Variants in UBE3C observed in about 807,000 individuals in gnomAD.
The protein encoded by UBE3C is ubiquitin protein ligase E3C.
In UBE3C, 42 loss-of-function variants were observed where a neutral mutation model predicts 129.4. The observed-to-expected ratio is 0.32, with a 90% CI of 0.25 to 0.42. UBE3C has a LOEUF of 0.42. Ranked by LOEUF, UBE3C falls within the 10% of genes least tolerant of loss-of-function variation. UBE3C has a pLI of 1.00. For synonymous variants in UBE3C, 510 were observed against 492.4 expected (o/e 1.04, Z -0.47); for missense variants, 1,049 against 1,319.1 (o/e 0.80, Z 3.17).
chr7:157,198,207 G>C (rs1809177653), intron 10 of UBE3C: 18 of 1,553,942 alleles, frequency 1.2e-5, no homozygotes, highest in Non-Finnish European at 1.5e-5. Context: ...CATATATTCA[G>C]ACCGCTTACA....
intron 11 of UBE3C, among the ~76,000 whole-genome samples, chr7:157,204,127 A>G (rs59802408): frequency 0.026 from 3,972 of 152,300 alleles, 194 homozygotes; most frequent in African/African-American, 0.091. Context: ...TGAAGTTGCA[A>G]AATCCTAAAC....
At chr7:157,255,709 T>C (rs1182377) in intron 21 of UBE3C, among the ~76,000 whole-genome samples, 88,371 of 152,002 alleles carry the variant, frequency 0.58, 26,560 homozygotes, top group South Asian at 0.65. Flanking sequence ...AGACATTTTA[T>C]TGGTGTTATT....
intron 4 of UBE3C, among the ~76,000 whole-genome samples, chr7:157,171,852 G>A (rs1184245729): frequency 4.0e-5 from 6 of 148,184 alleles, no homozygotes; most frequent in Admixed American, 2.7e-4. Flanking sequence ...GATTACAGAC[G>A]TGTACCACCA....
At chr7:157,145,540 C>T (rs928980410) in intron 1 of UBE3C, among the ~76,000 whole-genome samples, 19 of 152,026 alleles carry the variant, frequency 1.2e-4, no homozygotes, top group Admixed American at 6.6e-4. Flanking sequence ...GGAAGAAATC[C>T]TCATTGCATA....
intron 18 of UBE3C, among the ~76,000 whole-genome samples, chr7:157,247,846 C>T (rs1231256620): frequency 3.9e-5 from 6 of 152,166 alleles, no homozygotes; most frequent in Non-Finnish European, 7.3e-5. Flanking sequence ...AACTGGGACC[C>T]CCCAAAACTG....
At chr7:157,214,621 C>G (rs547173993) in intron 13 of UBE3C, among the ~76,000 whole-genome samples, 1 of 152,114 alleles carries the variant, frequency 6.6e-6, no homozygotes, top group Non-Finnish European at 1.5e-5. Context: ...TTTAATTGGT[C>G]ACAAAAATGG....
chr7:157,139,194 G>A lies in UBE3C; in HGVS notation c.-79G>A, dbSNP rs1050427356. On this transcript the variant is annotated 5_prime_UTR_variant, in exon 1 of 23. Transcript: ENST00000348165. ...CGGGCCGGGCGGGCGGGCGCCGAGA[G>A]CCTCCCAGCCCGCCCCGTGCCCCGC... is the stretch of plus-strand genomic sequence containing the variant. 4 of 1,079,020 alleles carry A rather than the reference G, an allele frequency of 3.7e-6. No individual in the cohort carries two copies. Among genetic ancestry groups the A allele is most frequent in the Non-Finnish European group, 4.6e-6 (4 of 876,698 alleles). The allele number at this position is 1,079,020 out of a possible 1,614,324, so 66.8% of individuals were successfully genotyped here.
chr7:157,212,754 G>GT (rs1432249871), intron 13 of UBE3C, among the ~76,000 whole-genome samples: 5 of 151,972 alleles, frequency 3.3e-5, no homozygotes, highest in Non-Finnish European at 4.4e-5. Flanking sequence ...CCTTTGTGGG[G>GT]TTTTTTTGTT....
intron 22 of UBE3C, 47 bp downstream of exon 22, chr7:157,257,091 G>GT (rs776061805): frequency 1.9e-6 from 3 of 1,608,476 alleles, no homozygotes; most frequent in Non-Finnish European, 2.5e-6. Flanking sequence ...TTCATAATAA[G>GT]AAAGGCAGCA....
chr7:157,158,465 G>A (rs1208930351), intron 1 of UBE3C, among the ~76,000 whole-genome samples: 1 of 152,188 alleles, frequency 6.6e-6, no homozygotes, highest in Non-Finnish European at 1.5e-5. Flanking sequence ...TCTGTGCGTT[G>A]TATTTAATCA....
chr7:157,225,525 T>A lies in UBE3C; in HGVS notation c.2219T>A (p.Leu740His), dbSNP rs1795852089. The change falls in exon 17 of 23, where the codon CTT (leucine) becomes CAT (histidine). Residue 740 changes from leucine to histidine, a missense_variant. Around this residue, in one of 4 missense-constraint regions of UBE3C, gnomAD observed 314 missense variants for 416.9 expected, o/e 0.75. Coordinates refer to ENST00000348165, the MANE Select transcript of UBE3C (RefSeq NM_014671.3). ...ATTTATGAAGATGCTTATGACAAAC[T>A]TTCTCCAGAAAATGGTATATATAAT... is the stretch of plus-strand genomic sequence containing the variant. ...NYIYEDAYDK[L>H]SPENEPDLKK... is the part of the protein sequence containing the mutation. The A allele has an allele frequency of 1.3e-6, 2 of 1,587,246 alleles. No homozygotes were observed. The highest frequency in any genetic ancestry group is 1.7e-6 in the Non-Finnish European group (2 of 1,172,652).
At chr7:157,258,436 G>A (rs1391200768) in intron 22 of UBE3C, among the ~76,000 whole-genome samples, 2 of 151,918 alleles carry the variant, frequency 1.3e-5, no homozygotes, top group African/African-American at 2.4e-5. Flanking sequence ...TTGCTTTGTT[G>A]TTGTTGTTGC....
intron 10 of UBE3C, chr7:157,192,950 G>A: frequency 1.6e-6 from 1 of 613,746 alleles, no homozygotes; most frequent in Non-Finnish European, 2.9e-6. Flanking sequence ...ACTGTAGCAT[G>A]AGGGAAAGTA....
intron 16 of UBE3C, among the ~76,000 whole-genome samples, chr7:157,224,256 G>A (rs760415555): frequency 2.0e-5 from 3 of 151,976 alleles, no homozygotes; most frequent in Non-Finnish European, 2.9e-5. Context: ...GTGCAGAGGC[G>A]CGATCTTGGC....
At chr7:157,253,449 G>A (rs1225195235) in intron 19 of UBE3C, among the ~76,000 whole-genome samples, 3 of 152,180 alleles carry the variant, frequency 2.0e-5, no homozygotes, top group Non-Finnish European at 2.9e-5. Context: ...ATCACTGATC[G>A]TTACCACCAC....
At chr7:157,197,997 T>C (rs779528485) in intron 10 of UBE3C, 22 of 1,607,480 alleles carry the variant, frequency 1.4e-5, no homozygotes, top group Non-Finnish European at 1.9e-5. Flanking sequence ...TTGATCCTGA[T>C]GGTCCTCCAT....
chr7:157,157,152 TA>T (rs1807933083), intron 1 of UBE3C, among the ~76,000 whole-genome samples: 1 of 152,188 alleles, frequency 6.6e-6, no homozygotes, highest in South Asian at 2.1e-4. Context: ...AGCATACTAT[TA>T]AAAATAAACC....
In UBE3C at chr7:157,207,846, A is replaced by G; in HGVS notation, c.1720A>G (p.Thr574Ala). 1.2e-6 allele frequency: 2 copies of G among 1,614,104 alleles called. No homozygotes were observed. Among genetic ancestry groups the G allele is most frequent in the South Asian group, 1.1e-5 (1 of 91,068 alleles). Residue 574 changes from threonine (T) to alanine (A), a missense_variant, in exon 13 of 23, where the codon ACA (threonine) becomes GCA (alanine). Coordinates refer to ENST00000348165, the MANE Select transcript of UBE3C (RefSeq NM_014671.3). Reference protein sequence around the residue: ...TKPEVREEYITAFQSIGVTTS... With the variant: ...TKPEVREEYIAAFQSIGVTTS... ...GCCAGAAGTTCGAGAAGAATATATTACAGCATTTCAGAGTATTGGAGTTAC... is the reference window on the plus strand; with the variant it reads ...GCCAGAAGTTCGAGAAGAATATATTGCAGCATTTCAGAGTATTGGAGTTAC...
intron 10 of UBE3C, among the ~76,000 whole-genome samples, chr7:157,191,570 T>C (rs1808968125): frequency 6.6e-6 from 1 of 152,248 alleles, no homozygotes; most frequent in Non-Finnish European, 1.5e-5. Context: ...AGTGCTGGGA[T>C]TGCAGGTGCA....
Sources: gnomAD v4.1 joint callset for allele counts (sites outside exome capture counted in the v4.1 genomes callset) on GRCh38, gnomAD v4.1.1 for gene constraint, gnomAD v4.1.1 regional missense constraint, MANE v1.5 for transcripts, NCBI Gene and HGNC (gene_info 2026-07-23, HGNC 2026-07-21) for gene names.